SEMA5A: variants seen among roughly 807,000 people sequenced by gnomAD.
SEMA5A encodes the protein semaphorin 5A.
In SEMA5A, 55 loss-of-function variants were observed where a neutral mutation model predicts 135.5. The observed-to-expected ratio is 0.41, with a 90% CI of 0.33 to 0.51. The LOEUF is 0.51. SEMA5A is among the 20% of genes least tolerant of loss of function. The pLI is 0.37. For missense variants in SEMA5A, 1,290 were observed against 1,419.9 expected (o/e 0.91, Z 1.47); for synonymous variants, 580 against 546.5 (o/e 1.06, Z -0.85).
intron 3 of SEMA5A, among the ~76,000 whole-genome samples, chr5:9,365,728 A>G (rs911647187): frequency 1.3e-5 from 2 of 152,138 alleles, no homozygotes; most frequent in Non-Finnish European, 2.9e-5. Flanking sequence ...TATGCAAACA[A>G]TTCTGCACAT....
Position 9,109,027 on chromosome 5 carries a change from AATTTTTTTT to A in SEMA5A, c.1926-749_1926-741del, listed in dbSNP as rs1740084044. Among the ~76,000 whole-genome samples the A allele has an allele frequency of 8.4e-5, 10 of 118,956 alleles. 1 individual carries two copies. The highest frequency in any genetic ancestry group is 5.7e-4 in the Admixed American group (6 of 10,532). 78.0% of individuals were successfully genotyped at this position (118,956 alleles called of 152,430 possible). A position where few individuals can be genotyped will look rare whatever the true frequency, so the allele number is the denominator to read the frequency against. ...ATCATGAGTCATATTATTTCTCTTCAATTTTTTTTTTTTTTTTTTTTTTTTTTTTTTGAG... is the reference window on the plus strand; with the variant it reads ...ATCATGAGTCATATTATTTCTCTTCATTTTTTTTTTTTTTTTTTTTTTGAG... On this transcript the variant is annotated intron_variant, in intron 15 of 22. Transcript: ENST00000382496.
chr5:9,227,544 T>C (rs1158715264), intron 6 of SEMA5A, among the ~76,000 whole-genome samples: 1 of 132,068 alleles, frequency 7.6e-6, no homozygotes, highest in African/African-American at 2.8e-5. Context: ...AGCAAGTATC[T>C]ATATGAATTT....
chr5:9,508,312 C>G (rs752967427), intron 1 of SEMA5A, among the ~76,000 whole-genome samples: 1 of 152,140 alleles, frequency 6.6e-6, no homozygotes, highest in South Asian at 2.1e-4. Flanking sequence ...CAGTAGTCAC[C>G]GAATCGTGTA....
Position 9,112,283 on chromosome 5 carries a change from T to C in SEMA5A, c.1926-3996A>G, listed in dbSNP as rs76580732. The stretch of plus-strand genomic sequence containing the variant: ...TATGAAAATAAAGACCTTTTATAAT[T>C]CCATATGGACTAGATTCTCAGCACT... On this transcript the variant is annotated intron_variant, in intron 15 of 22. Coordinates refer to ENST00000382496, the MANE Select transcript of SEMA5A (RefSeq NM_003966.3). Among the ~76,000 whole-genome samples the C allele has an allele frequency of 9.7e-3, 1,475 of 152,320 alleles. 31 individuals are homozygous for C. Among genetic ancestry groups the C allele is most frequent in the African/African-American group, 0.033 (1,380 of 41,568 alleles).
At chr5:9,423,614 T>C (rs1306764790) in intron 2 of SEMA5A, among the ~76,000 whole-genome samples, 1 of 152,248 alleles carries the variant, frequency 6.6e-6, no homozygotes, top group Non-Finnish European at 1.5e-5. Context: ...CCAAATGTAT[T>C]TCTCTTTGAT....
intron 1 of SEMA5A, among the ~76,000 whole-genome samples, chr5:9,438,421 C>T (rs1758112168): frequency 6.6e-6 from 1 of 152,162 alleles, no homozygotes; most frequent in Non-Finnish European, 1.5e-5. Flanking sequence ...TTACCAAAAC[C>T]AAGTAAACCT....
At chr5:9,184,160 C>T (rs1273740708) in intron 11 of SEMA5A, among the ~76,000 whole-genome samples, 2 of 151,684 alleles carry the variant, frequency 1.3e-5, no homozygotes, top group Non-Finnish European at 2.9e-5. Context: ...ATGCTCAATT[C>T]ACATTTTCTT....
intron 6 of SEMA5A, 63 bp downstream of exon 6, chr5:9,237,765 C>A: frequency 1.4e-6 from 2 of 1,459,868 alleles, no homozygotes; most frequent in South Asian, 1.2e-5. Flanking sequence ...TATCAACATG[C>A]TTTATATAGT....
intron 8 of SEMA5A, among the ~76,000 whole-genome samples, chr5:9,214,624 A>C (rs941917184): frequency 6.6e-6 from 1 of 152,144 alleles, no homozygotes; most frequent in African/African-American, 2.4e-5. Context: ...GCCAGATGTC[A>C]CCATGGAAAA....
At chr5:9,336,547 A>G (rs1753398754) in intron 4 of SEMA5A, among the ~76,000 whole-genome samples, 1 of 152,250 alleles carries the variant, frequency 6.6e-6, no homozygotes, top group Admixed American at 6.5e-5. Context: ...GAGAACACCA[A>G]GTAGCCTTGT....
chr5:9,093,456 C>T (rs1739146303), intron 16 of SEMA5A, among the ~76,000 whole-genome samples: 1 of 152,160 alleles, frequency 6.6e-6, no homozygotes, highest in Non-Finnish European at 1.5e-5. Context: ...TGCCTATAAT[C>T]CCAGCACTTT....
chr5:9,140,706 T>C (rs748939453), intron 12 of SEMA5A, among the ~76,000 whole-genome samples: 5 of 152,210 alleles, frequency 3.3e-5, no homozygotes, highest in Non-Finnish European at 7.3e-5. Flanking sequence ...GTATATCACA[T>C]ATGGGAATTC....
At chr5:9,544,978 G>A (rs553875062) in intron 1 of SEMA5A, among the ~76,000 whole-genome samples, 6 of 152,208 alleles carry the variant, frequency 3.9e-5, no homozygotes, top group Non-Finnish European at 8.8e-5. Context: ...GGTGAAAGGG[G>A]CTCGCCTAGC....
intron 1 of SEMA5A, among the ~76,000 whole-genome samples, chr5:9,525,198 A>T (rs978793468): frequency 6.6e-6 from 1 of 152,234 alleles, no homozygotes; most frequent in Non-Finnish European, 1.5e-5. Flanking sequence ...CATAGTCTCA[A>T]TGGTTGTTTT....
At chr5:9,098,813 G>A (rs1020431580) in intron 16 of SEMA5A, among the ~76,000 whole-genome samples, 5 of 152,098 alleles carry the variant, frequency 3.3e-5, no homozygotes, top group Non-Finnish European at 7.4e-5. Flanking sequence ...TTAATATCAA[G>A]TATTGAATAA....
At chr5:9,203,980 T>TG (rs36104702) in intron 8 of SEMA5A, among the ~76,000 whole-genome samples, 2,855 of 149,742 alleles carry the variant, frequency 0.019, 81 homozygotes, top group African/African-American at 0.063. Context: ...GGGTGGTGGG[T>TG]GGGGGGGTGT....
chr5:9,047,370 G>A (rs893751531), intron 21 of SEMA5A, among the ~76,000 whole-genome samples: 5 of 152,156 alleles, frequency 3.3e-5, no homozygotes, highest in African/African-American at 9.7e-5. Flanking sequence ...TAGTCTTTGT[G>A]TCTCATGCAA....
chr5:9,125,565 A>C (rs1018094206), intron 13 of SEMA5A, among the ~76,000 whole-genome samples: 1 of 151,922 alleles, frequency 6.6e-6, no homozygotes, highest in Non-Finnish European at 1.5e-5. Flanking sequence ...CTCATTGTTC[A>C]ACTCCCATTT....
chr5:9,362,414 G>A lies in SEMA5A; in HGVS notation c.124+17409C>T, dbSNP rs1579414618. Among the ~76,000 whole-genome samples the A allele has an allele frequency of 3.3e-5, 5 of 152,180 alleles. No individual in the cohort carries two copies. The South Asian group carries it at 1.0e-3, about 32-fold the overall frequency. On this transcript the variant is annotated intron_variant, in intron 3 of 22. Transcript: ENST00000382496. ...ATCAACTCGGCCTACTGTTTTGCTG[G>A]AAATCTTACAAAAGAACTATCTTCT...
Sources: allele counts gnomAD v4.1 joint callset (sites outside exome capture counted in the v4.1 genomes callset), GRCh38; gene constraint gnomAD v4.1.1; transcripts MANE v1.5; gene names NCBI Gene and HGNC (gene_info 2026-07-23, HGNC 2026-07-21).